Variants in UNC5C observed in about 807,000 individuals in gnomAD.
UNC5C encodes netrin receptor UNC5C.
In UNC5C, 47 loss-of-function variants were observed where a neutral mutation model predicts 99.8. The ratio of observed to expected loss-of-function variants is 0.47; its 90% CI spans 0.37 to 0.60. The LOEUF is 0.60. UNC5C is among the 20% of genes least tolerant of loss of function. The pLI is 0.00. For missense variants in UNC5C, 1,062 were observed against 1,165.9 expected (o/e 0.91, Z 1.30); for synonymous variants, 487 against 452.2 (o/e 1.08, Z -0.98).
chr4:95,356,218 C>CA lies in UNC5C; in HGVS notation c.125-20588dup, dbSNP rs796623348. ...CAAAAAAAAAAAAAAAAAAACAAAA[C>CA]AAAAAAAAAACAGATTCCTCGTTCT... is the stretch of plus-strand genomic sequence containing the variant. On this transcript the variant is annotated intron_variant, in intron 1 of 15. Coordinates refer to ENST00000453304, the MANE Select transcript of UNC5C (RefSeq NM_003728.4). Among the ~76,000 whole-genome samples the CA allele has an allele frequency of 7.1e-3, 584 of 81,794 alleles. 13 individuals carry two copies. The highest frequency in any genetic ancestry group is 0.023 in the East Asian group (77 of 3,340). The allele number at this position is 81,794 out of a possible 152,430, so 53.7% of individuals were successfully genotyped here. A position where few individuals can be genotyped will look rare whatever the true frequency, so the allele number is the denominator to read the frequency against.
At chr4:95,249,719 G>A (rs1739624548) in intron 5 of UNC5C, among the ~76,000 whole-genome samples, 1 of 152,202 alleles carries the variant, frequency 6.6e-6, no homozygotes, top group Non-Finnish European at 1.5e-5. Context: ...TAGGTTTAGA[G>A]ATGAGCTGGC....
rs1739806653 is a variant in UNC5C, at chr4:95,253,165, T to TA, written c.595-2499dup. Among the ~76,000 whole-genome samples the TA allele has an allele frequency of 2.6e-5, 4 of 152,216 alleles. No individual in the cohort carries two copies. The South Asian group carries it at 8.3e-4, about 32-fold the overall frequency. On this transcript the variant is annotated intron_variant, in intron 4 of 15. Transcript: ENST00000453304. ...CAGGGTTCTCCTGGAAGCACTTTCTTAAAAAACTACTCACATTCATACCTT... is the reference window on the plus strand; with the variant it reads ...CAGGGTTCTCCTGGAAGCACTTTCTTAAAAAAACTACTCACATTCATACCTT...
At chr4:95,339,565 A>T (rs1743481056) in intron 1 of UNC5C, among the ~76,000 whole-genome samples, 1 of 152,102 alleles carries the variant, frequency 6.6e-6, no homozygotes, top group Non-Finnish European at 1.5e-5. Context: ...CAGTGAGTAC[A>T]TCCTCTTACC....
intron 1 of UNC5C, among the ~76,000 whole-genome samples, chr4:95,496,281 A>T (rs1479467940): frequency 2.0e-5 from 3 of 151,820 alleles, no homozygotes; most frequent in Non-Finnish European, 4.4e-5. Context: ...ATGTCTAATA[A>T]CTTTTTTCTT....
chr4:95,318,272 GAGATCGC>G (rs1235377380), intron 2 of UNC5C, among the ~76,000 whole-genome samples: 3 of 152,122 alleles, frequency 2.0e-5, no homozygotes, highest in African/African-American at 7.2e-5. Flanking sequence ...GATGGAGGCT[GAGATCGC>G]AGTGATGGAG....
chr4:95,505,695 C>T (rs1371523637), intron 1 of UNC5C, among the ~76,000 whole-genome samples: 2 of 152,018 alleles, frequency 1.3e-5, no homozygotes, highest in Non-Finnish European at 2.9e-5. Flanking sequence ...AAGAATTTAT[C>T]ACTTGCTTCA....
chr4:95,544,447 A>G lies in UNC5C; in HGVS notation c.124+4287T>C, dbSNP rs111553005. 8.8e-3 allele frequency among the ~76,000 whole-genome samples: 1,343 copies of G among 152,238 alleles called. 17 individuals are homozygous for G. The highest frequency in any genetic ancestry group is 0.031 in the African/African-American group (1,296 of 41,550). On this transcript the variant is annotated intron_variant, in intron 1 of 15. Transcript: ENST00000453304. ...TTAGAACCCCCCACCCACCACTCAC[A>G]TTAGAATCCTAGCTTCACCTATGTT...
intron 2 of UNC5C, among the ~76,000 whole-genome samples, chr4:95,323,431 C>A (rs906663908): frequency 4.6e-5 from 7 of 152,114 alleles, no homozygotes; most frequent in African/African-American, 1.7e-4. Flanking sequence ...TTCCATCTGA[C>A]GTAAGTAGGT....
chr4:95,197,070 ATAT>A (rs1285575989), intron 12 of UNC5C, among the ~76,000 whole-genome samples: 7 of 115,254 alleles, frequency 6.1e-5, no homozygotes, highest in Admixed American at 1.1e-4. Flanking sequence ...ATATATTTTT[ATAT>A]TATATTTATG....
intron 1 of UNC5C, among the ~76,000 whole-genome samples, chr4:95,487,562 G>A (rs1721361734): frequency 6.6e-6 from 1 of 151,628 alleles, no homozygotes; most frequent in African/African-American, 2.4e-5. Context: ...TTTATGATCT[G>A]GTTAAATGTG....
intron 1 of UNC5C, among the ~76,000 whole-genome samples, chr4:95,384,301 T>C (rs2149443003): frequency 6.6e-6 from 1 of 152,244 alleles, no homozygotes; most frequent in South Asian, 2.1e-4. Flanking sequence ...GCACACGGTG[T>C]CATGGAGAGA....
At chr4:95,401,845 T>C (rs1745709953) in intron 1 of UNC5C, among the ~76,000 whole-genome samples, 1 of 152,158 alleles carries the variant, frequency 6.6e-6, no homozygotes, top group Non-Finnish European at 1.5e-5. Context: ...AATCCCCAGA[T>C]GCATAGCTGA....
chr4:95,174,152 C>G (rs532058028), intron 14 of UNC5C, among the ~76,000 whole-genome samples: 4 of 151,986 alleles, frequency 2.6e-5, no homozygotes, highest in Non-Finnish European at 4.4e-5. Context: ...ATTAGTCTTG[C>G]TAGCAGTCTA....
At chr4:95,347,950 A>G (rs1743839993) in intron 1 of UNC5C, among the ~76,000 whole-genome samples, 1 of 152,148 alleles carries the variant, frequency 6.6e-6, no homozygotes, top group African/African-American at 2.4e-5. Context: ...AGCAAAGGAA[A>G]CAATCAGCAA....
chr4:95,212,272 C>T (rs950508573), intron 10 of UNC5C, among the ~76,000 whole-genome samples: 5 of 152,064 alleles, frequency 3.3e-5, no homozygotes, highest in Non-Finnish European at 5.9e-5. Flanking sequence ...CCACAGTTGA[C>T]AAATCTAATA....
intron 1 of UNC5C, among the ~76,000 whole-genome samples, chr4:95,347,603 A>G (rs1743825210): frequency 6.6e-6 from 1 of 152,094 alleles, no homozygotes; most frequent in Admixed American, 6.6e-5. Context: ...AAACAAATTC[A>G]TACACCTACA....
At chr4:95,408,874 AG>A (rs1426264281) in intron 1 of UNC5C, among the ~76,000 whole-genome samples, 1 of 152,178 alleles carries the variant, frequency 6.6e-6, no homozygotes, top group African/African-American at 2.4e-5. Flanking sequence ...TGAAGATTAG[AG>A]GGTTGAGAAT....
At chr4:95,205,580 T>TA (rs1311457157) in intron 11 of UNC5C, among the ~76,000 whole-genome samples, 1 of 152,132 alleles carries the variant, frequency 6.6e-6, no homozygotes, top group Non-Finnish European at 1.5e-5. Context: ...AATTTTTTCC[T>TA]AAAAAATTAT....
At position 95,451,021 on chromosome 4, in the gene UNC5C, A is replaced by G. The variant is rs751160393; in HGVS notation, c.124+97713T>C. 2.0e-5 allele frequency among the ~76,000 whole-genome samples: 3 copies of G among 152,354 alleles called. No homozygotes were observed. In the South Asian group the frequency reaches 6.2e-4, roughly 32 times the overall value. On this transcript the variant is annotated intron_variant, in intron 1 of 15. Transcript: ENST00000453304. Reference sequence around the variant, plus strand: ...GTTAGTGATTAAAGTAAAGGTATTCATACTGATTCCATACAATGTAAAAAC... The same window carrying G: ...GTTAGTGATTAAAGTAAAGGTATTCGTACTGATTCCATACAATGTAAAAAC...
Sources: gnomAD v4.1 joint callset for allele counts (sites outside exome capture counted in the v4.1 genomes callset) on GRCh38, gnomAD v4.1.1 for gene constraint, MANE v1.5 for transcripts, NCBI Gene and HGNC (gene_info 2026-07-23, HGNC 2026-07-21) for gene names.